TM6SF2: variants seen among roughly 807,000 people sequenced by gnomAD.
The protein encoded by TM6SF2 is transmembrane 6 superfamily member 2.
Under a neutral mutation model 41.0 loss-of-function variants are expected in TM6SF2, and 29 were observed. That is an observed-to-expected ratio of 0.71 (90% CI 0.53 to 0.96). TM6SF2 has a LOEUF of 0.96. Among genes scored for constraint, TM6SF2 ranks in the 50% least tolerant of loss-of-function variants. The pLI is 0.00. For synonymous variants in TM6SF2, 200 were observed against 209.1 expected, an observed-to-expected ratio of 0.96 and a Z score of 0.37; for missense variants, 475 against 499.0, an observed-to-expected ratio of 0.95 and a Z score of 0.46.
rs556750981 is a variant in TM6SF2, at chr19:19,266,551, G to A, written c.863C>T (p.Thr288Ile). Residue 288 changes from threonine to isoleucine, a missense_variant, in exon 9 of 10, where the codon ACC (threonine) becomes ATC (isoleucine). Physicochemically the swap from Thr to Ile is moderately conservative, Grantham distance 89 (BLOSUM62 -1). Around this residue, in one of 3 missense-constraint regions of TM6SF2, gnomAD observed 190 missense variants for 190.2 expected, o/e 1.00. Coordinates refer to ENST00000389363, the MANE Select transcript of TM6SF2 (RefSeq NM_001001524.3). ...TGGAAGCCAGGAGCAACCAGGGAAGGTGAGAGCATAGGCAGCCAGGCCGCA... is the reference window on the plus strand; with the variant it reads ...TGGAAGCCAGGAGCAACCAGGGAAGATGAGAGCATAGGCAGCCAGGCCGCA... The part of the protein sequence containing the change: ...PFCGLAAYAL[T>I]FPGCSWLPDW... The A allele has an allele frequency of 6.2e-7, 1 of 1,614,118 alleles. No homozygotes were observed.
At position 19,271,558 on chromosome 19, in the gene TM6SF2, C is replaced by G. The variant is rs562812444; in HGVS notation, c.96-433G>C. Among the ~76,000 whole-genome samples the G allele has an allele frequency of 1.7e-4, 26 of 151,392 alleles. No individual in the cohort carries two copies. The South Asian group carries it at 4.2e-3, about 24-fold the overall frequency. On this transcript the variant is annotated intron_variant, in intron 1 of 9. Coordinates refer to ENST00000389363, the MANE Select transcript of TM6SF2 (RefSeq NM_001001524.3). Reference sequence around the variant, plus strand: ...TCTCTCTCTCTCTTTCTTTTTGAGACAGAGCACTGACACCCAGGCTGGAGT... The same window carrying G: ...TCTCTCTCTCTCTTTCTTTTTGAGAGAGAGCACTGACACCCAGGCTGGAGT...
chr19:19,268,152 C>G, intron 6 of TM6SF2, 65 bp from the exon 7 acceptor site: 7 of 1,075,312 alleles, frequency 6.5e-6, no homozygotes, highest in Non-Finnish European at 9.6e-6. Flanking sequence ...AGTAGGTACT[C>G]AATAAAGGTT....
chr19:19,268,539 T>G, intron 6 of TM6SF2, 91 bp downstream of exon 6: 1 of 1,470,110 alleles, frequency 6.8e-7, no homozygotes, highest in South Asian at 1.4e-5. Context: ...AGGAGAACCT[T>G]CCACAGAAAT....
At chr19:19,266,699 A>C (rs2146576251) in intron 8 of TM6SF2, 90 bp from the exon 9 acceptor site, 1 of 1,486,954 alleles carries the variant, frequency 6.7e-7, no homozygotes, top group Non-Finnish European at 9.0e-7. Flanking sequence ...GGAGGCCCTG[A>C]GGAAGGATCT....
At chr19:19,271,199 A>G in intron 1 of TM6SF2, 74 bp from the exon 2 acceptor site, 1 of 1,226,012 alleles carries the variant, frequency 8.2e-7, no homozygotes, top group Non-Finnish European at 1.2e-6. Context: ...CTGGTGGGGG[A>G]AGGGGCAGAC....
Position 19,264,823 on chromosome 19 carries a change from G to A in TM6SF2, c.975C>T (p.Thr325=). ...CCCAGGTGTCCTCAGGCACACGGTA[G>A]GTGAAGGGTGTGCGCAGGTGCATGG... ...GASMHLRTPF[T]YRVPEDTWGC... is the part of the protein sequence containing the mutation. The change falls in exon 10 of 10, where the codon ACC becomes ACT. Residue 325 remains threonine (T), a synonymous_variant. Coordinates refer to ENST00000389363, the MANE Select transcript of TM6SF2 (RefSeq NM_001001524.3). 2 of 1,606,784 alleles carry A rather than the reference G, an allele frequency of 1.2e-6. No homozygotes were observed. Among genetic ancestry groups the A allele is most frequent in the Non-Finnish European group, 8.5e-7 (1 of 1,176,886 alleles).
At chr19:19,271,719 C>T (rs1210991704) in intron 1 of TM6SF2, among the ~76,000 whole-genome samples, 2 of 151,954 alleles carry the variant, frequency 1.3e-5, no homozygotes, top group Admixed American at 6.6e-5. Flanking sequence ...TTAGTAGAGA[C>T]GGGGTTTCAC....
chr19:19,270,894 C>G, intron 2 of TM6SF2, 128 bp downstream of exon 2: 1 of 771,386 alleles, frequency 1.3e-6, no homozygotes, highest in Non-Finnish European at 2.3e-6. Flanking sequence ...TCTTTGAGGT[C>G]TCCAGTCTGA....
At position 19,271,041 on chromosome 19, in the gene TM6SF2, G is replaced by A. The variant is rs1555786865; in HGVS notation, c.180C>T (p.Ser60=). ...AVYSLSHGEV[S]YDPLYAVFAV... is the part of the protein sequence containing the mutation. ...ACTCACCAGCATAGAGTGGGTCATA[G>A]GAGACCTCGCCATGGGACAAGCTGT... is the stretch of plus-strand genomic sequence containing the variant. Residue 60 remains serine, a synonymous_variant, in exon 2 of 10, where the codon TCC becomes TCT. Transcript: ENST00000389363. 6.2e-7 allele frequency: 1 copy of A among 1,614,152 alleles called. No individual in the cohort carries two copies. The highest frequency in any genetic ancestry group is 8.5e-7 in the Non-Finnish European group (1 of 1,179,980).
At chr19:19,271,812 T>C (rs2061025259) in intron 1 of TM6SF2, among the ~76,000 whole-genome samples, 1 of 152,200 alleles carries the variant, frequency 6.6e-6, no homozygotes, top group African/African-American at 2.4e-5. Flanking sequence ...ATTACAGGCA[T>C]GAGCCACCAC....
At chr19:19,267,297 G>A (rs1459521631) in intron 8 of TM6SF2, among the ~76,000 whole-genome samples, 2 of 151,486 alleles carry the variant, frequency 1.3e-5, no homozygotes, top group African/African-American at 2.4e-5. Flanking sequence ...GAGCCCAGGA[G>A]GTGGAGGTTG....
Position 19,273,289 on chromosome 19 carries a change from C to G in TM6SF2, c.-74G>C. 8.5e-7 allele frequency: 1 copy of G among 1,182,976 alleles called. No homozygotes were observed. Among genetic ancestry groups the G allele is most frequent in the Non-Finnish European group, 1.1e-6 (1 of 917,642 alleles). 73.3% of individuals were successfully genotyped at this position (1,182,976 alleles called of 1,614,324 possible). On this transcript the variant is annotated 5_prime_UTR_variant, in exon 1 of 10. Coordinates refer to ENST00000389363, the MANE Select transcript of TM6SF2 (RefSeq NM_001001524.3). The stretch of plus-strand genomic sequence containing the variant: ...GCTCGGCTCCTCGTTGGCGGCGAGT[C>G]CGGGCCGAGGCTGCCAGGGACCCGC...
At chr19:19,267,159 A>G (rs920681527) in intron 8 of TM6SF2, among the ~76,000 whole-genome samples, 9 of 152,156 alleles carry the variant, frequency 5.9e-5, no homozygotes, top group African/African-American at 2.2e-4. Context: ...ACTTGAGGTC[A>G]GGAGTTCGAG....
chr19:19,270,704 C>T lies in TM6SF2; in HGVS notation c.200-262G>A, dbSNP rs558195975. ...GGCCCAGTGCCTGCCTTTGGGAGTCCCCAGTCTCATGGGAGAGGCACCGTC... is the reference window on the plus strand; with the variant it reads ...GGCCCAGTGCCTGCCTTTGGGAGTCTCCAGTCTCATGGGAGAGGCACCGTC... On this transcript the variant is annotated intron_variant, in intron 2 of 9. Transcript: ENST00000389363. 1.6e-4 allele frequency among the ~76,000 whole-genome samples: 24 copies of T among 152,270 alleles called. No homozygotes were observed. The South Asian group carries it at 4.4e-3, about 28-fold the overall frequency.
At position 19,267,856 on chromosome 19, in the gene TM6SF2, T is replaced by C. The variant is rs943584392; in HGVS notation, c.711+130A>G. ...GGCTGGGAGAAATGGGGCTTTGTCA[T>C]GGAACACTCAGGTTAGACTTGATGA... On this transcript the variant is annotated intron_variant, in intron 7 of 9. Coordinates refer to ENST00000389363, the MANE Select transcript of TM6SF2 (RefSeq NM_001001524.3). 3 of 1,075,246 alleles carry C rather than the reference T, an allele frequency of 2.8e-6. No individual in the cohort carries two copies. The Admixed American group carries it at 6.5e-5, about 23-fold the overall frequency. The allele number at this position is 1,075,246 out of a possible 1,614,324, so 66.6% of individuals were successfully genotyped here.
intron 1 of TM6SF2, among the ~76,000 whole-genome samples, chr19:19,271,742 GCTGGTCTCGAACTCCTGAC>G (rs66543857): frequency 0.029 from 4,457 of 152,194 alleles, 96 homozygotes; most frequent in East Asian, 0.068. Context: ...TGTTGGCCAG[GCTGGTCTCGAACTCCTGAC>G]CTCAGGTGAT....
chr19:19,270,594 T>C (rs1317980432), intron 2 of TM6SF2, 152 bp from the exon 3 acceptor site: 13 of 909,718 alleles, frequency 1.4e-5, no homozygotes, highest in Non-Finnish European at 2.0e-5. Flanking sequence ...ACCCCAAAGG[T>C]TGCATGACCA....
At chr19:19,271,866 G>A (rs1008436294) in intron 1 of TM6SF2, among the ~76,000 whole-genome samples, 1 of 152,128 alleles carries the variant, frequency 6.6e-6, no homozygotes, top group Non-Finnish European at 1.5e-5. Flanking sequence ...CCCATCATTT[G>A]TTATGTGTTT....
chr19:19,273,086 T>G, intron 1 of TM6SF2, 35 bp downstream of exon 1: 4 of 299,830 alleles, frequency 1.3e-5, no homozygotes, highest in Non-Finnish European at 2.2e-5. Flanking sequence ...GCCCCCACTG[T>G]CCCCAAGGCC....
Sources: gnomAD v4.1 joint callset for allele counts (sites outside exome capture counted in the v4.1 genomes callset) on GRCh38, gnomAD v4.1.1 for gene constraint, gnomAD v4.1.1 regional missense constraint, MANE v1.5 for transcripts, NCBI Gene and HGNC (gene_info 2026-07-23, HGNC 2026-07-21) for gene names.